The following NRROS variants were observed in gnomAD, a reference collection of about 807,000 sequenced individuals.
The protein encoded by NRROS is negative regulator of reactive oxygen species.
In NRROS, 6 loss-of-function variants were observed where a neutral mutation model predicts 12.0. That is an observed-to-expected ratio of 0.50 (90% confidence interval 0.27 to 0.98). NRROS has a LOEUF of 0.98. Among genes scored for constraint, NRROS ranks in the 50% least tolerant of loss-of-function variants. NRROS has a pLI of 0.11. For missense variants in NRROS, 857 were observed against 888.2 expected (o/e 0.96, Z 0.45); for synonymous variants, 462 against 410.2 (o/e 1.13, Z -1.53).
intron 1 of NRROS, among the ~76,000 whole-genome samples, chr3:196,645,480 G>T (rs1159834599): frequency 6.6e-6 from 1 of 152,150 alleles, no homozygotes; most frequent in Non-Finnish European, 1.5e-5. Context: ...ACATTTACCT[G>T]CTAGGATTTT....
At position 196,654,250 on chromosome 3, in the gene NRROS, C is replaced by G. The variant is rs1483838613; in HGVS notation, c.-13-277C>G. Among the ~76,000 whole-genome samples, 3 of 152,196 alleles carry G rather than the reference C, an allele frequency of 2.0e-5. No individual in the cohort carries two copies. Among genetic ancestry groups the G allele is most frequent in the Non-Finnish European group, 4.4e-5 (3 of 68,042 alleles). ...CTGGTTACTCAAGCTTTTTGCTTCTCCCTTCTGTGCTGGACTCGCTGAAGT... is the reference window on the plus strand; with the variant it reads ...CTGGTTACTCAAGCTTTTTGCTTCTGCCTTCTGTGCTGGACTCGCTGAAGT... On this transcript the variant is annotated intron_variant, in intron 1 of 2. Transcript: ENST00000328557. The surrounding 1 kb of genome is among the most constrained non-coding windows in gnomAD (Gnocchi z 4.4).
At chr3:196,650,529 C>T (rs545296542) in intron 1 of NRROS, among the ~76,000 whole-genome samples, 1 of 152,214 alleles carries the variant, frequency 6.6e-6, no homozygotes, top group African/African-American at 2.4e-5. Flanking sequence ...ACCCCCCACT[C>T]CTTGGCCTCC....
chr3:196,661,309 G>A lies in NRROS; in HGVS notation c.1666G>A (p.Gly556Ser). The change falls in exon 3 of 3, where the codon GGC becomes AGC. Residue 556 changes from glycine (G) to serine (S), a missense_variant. Transcript: ENST00000328557. The stretch of plus-strand genomic sequence containing the variant: ...CTTGACCACCTTCCCAAGGTTTGGG[G>A]GCAGCCTGGCCCTGGAGACCCTGGA... The part of the protein sequence containing the change: ...NCLTTFPRFG[G>S]SLALETLDLR... 1 of 1,606,618 alleles carries A rather than the reference G, an allele frequency of 6.2e-7. No homozygotes were observed. Among genetic ancestry groups the A allele is most frequent in the Non-Finnish European group, 8.5e-7 (1 of 1,176,194 alleles).
In NRROS at chr3:196,661,908, C is replaced by T. The variant is rs1217582505; in HGVS notation, c.*186C>T. 3 of 418,782 alleles carry T rather than the reference C, an allele frequency of 7.2e-6. No homozygotes were observed. Among genetic ancestry groups the T allele is most frequent in the Non-Finnish European group, 1.2e-5 (3 of 246,734 alleles). 25.9% of individuals were successfully genotyped at this position (418,782 alleles called of 1,614,324 possible). Reference sequence around the variant, plus strand: ...ACCACCGCCCAAGTTCTTTTTCCATCATTATAATTCATCCTCATTATCTTG... The same window carrying T: ...ACCACCGCCCAAGTTCTTTTTCCATTATTATAATTCATCCTCATTATCTTG... On this transcript the variant is annotated 3_prime_UTR_variant, in exon 3 of 3. Transcript: ENST00000328557.
At chr3:196,657,622 G>A (rs186483049) in intron 2 of NRROS, among the ~76,000 whole-genome samples, 5 of 151,216 alleles carry the variant, frequency 3.3e-5, no homozygotes, top group African/African-American at 9.7e-5. Context: ...CAGCAGAATC[G>A]CTTGAACCCG....
chr3:196,660,225 C>T lies in NRROS; in HGVS notation c.582C>T (p.Phe194=), dbSNP rs1737636743. 1 of 1,613,466 alleles carries T rather than the reference C, an allele frequency of 6.2e-7. No homozygotes were observed. The highest frequency in any genetic ancestry group is 8.5e-7 in the Non-Finnish European group (1 of 1,180,042). Residue 194 remains phenylalanine, a synonymous_variant, in exon 3 of 3, where the codon TTC becomes TTT. Transcript: ENST00000328557. The surrounding 1 kb of genome is among the most constrained non-coding windows in gnomAD (Gnocchi z 7.7). Reference sequence around the variant, plus strand: ...TGGATCTGCAGAGGAACTACATCTTCGAGATCGAGGGCGGCGCTTTCGACG... The same window carrying T: ...TGGATCTGCAGAGGAACTACATCTTTGAGATCGAGGGCGGCGCTTTCGACG... The part of the protein sequence containing the change: ...RELDLQRNYI[F]EIEGGAFDGL...
intron 1 of NRROS, among the ~76,000 whole-genome samples, chr3:196,650,367 C>T (rs1737400767): frequency 6.6e-6 from 1 of 152,194 alleles, no homozygotes; most frequent in Non-Finnish European, 1.5e-5. Context: ...TGGTCTCAAA[C>T]TCCTGACCTC....
intron 1 of NRROS, among the ~76,000 whole-genome samples, chr3:196,647,858 C>T (rs1193689103): frequency 6.6e-6 from 1 of 152,066 alleles, no homozygotes; most frequent in Non-Finnish European, 1.5e-5. Context: ...TGCGCCCAGC[C>T]ACCTGGCTAA....
At chr3:196,641,024 C>T (rs903127104) in intron 1 of NRROS, among the ~76,000 whole-genome samples, 1 of 152,042 alleles carries the variant, frequency 6.6e-6, no homozygotes, top group Non-Finnish European at 1.5e-5. Flanking sequence ...ATTTACAATA[C>T]GTATTTATTC....
In NRROS at chr3:196,660,558, C is replaced by T; in HGVS notation, c.915C>T (p.Leu305=). ...GGGAGATGGTGGCCCAGTTCCTCCTCGTGGACGGCAACGTGACCAACATCA... is the reference window on the plus strand; with the variant it reads ...GGGAGATGGTGGCCCAGTTCCTCCTTGTGGACGGCAACGTGACCAACATCA... ...SPREMVAQFL[L]VDGNVTNITT... is the part of the protein sequence containing the mutation. Residue 305 remains leucine (L), a synonymous_variant, in exon 3 of 3, where the codon CTC becomes CTT. Coordinates refer to ENST00000328557, the MANE Select transcript of NRROS (RefSeq NM_198565.3). The surrounding 1 kb of genome is among the most constrained non-coding windows in gnomAD (Gnocchi z 7.7). 1 of 1,614,140 alleles carries T rather than the reference C, an allele frequency of 6.2e-7. No individual in the cohort carries two copies. The highest frequency in any genetic ancestry group is 8.5e-7 in the Non-Finnish European group (1 of 1,180,012).
chr3:196,661,760 A>G lies in NRROS; in HGVS notation c.*38A>G, dbSNP rs1231733703. 6 of 1,502,868 alleles carry G rather than the reference A, an allele frequency of 4.0e-6. No homozygotes were observed. The highest frequency in any genetic ancestry group is 2.3e-5 in the East Asian group (1 of 43,786). 93.1% of individuals were successfully genotyped at this position (1,502,868 alleles called of 1,614,324 possible). A position where few individuals can be genotyped will look rare whatever the true frequency, so the allele number is the denominator to read the frequency against. ...CCAAGACTCGAAATTCGGTCCGCAC[A>G]CAACAGGACACTTTCTCTGCCAGCT... On this transcript the variant is annotated 3_prime_UTR_variant, in exon 3 of 3. Coordinates refer to ENST00000328557, the MANE Select transcript of NRROS (RefSeq NM_198565.3).
Position 196,654,769 on chromosome 3 carries a change from G to A in NRROS, c.108+122G>A. The stretch of plus-strand genomic sequence containing the variant: ...AGAATGAAGGAGCCTGCATCACTCT[G>A]TGCCTGCCTAGCACAGGGGCATGTG... On this transcript the variant is annotated intron_variant, in intron 2 of 2. Coordinates refer to ENST00000328557, the MANE Select transcript of NRROS (RefSeq NM_198565.3). This position sits in a 1 kb window ranked among gnomAD's most constrained non-coding sequence, Gnocchi z 4.4. The A allele has an allele frequency of 1.6e-6, 1 of 643,564 alleles. No homozygotes were observed. The highest frequency in any genetic ancestry group is 2.7e-6 in the Non-Finnish European group (1 of 368,050). The allele number at this position is 643,564 out of a possible 1,614,324, so 39.9% of individuals were successfully genotyped here.
Position 196,658,774 on chromosome 3 carries a change from C to A in NRROS, c.109-978C>A, listed in dbSNP as rs914118986. Among the ~76,000 whole-genome samples the A allele has an allele frequency of 1.3e-4, 20 of 152,300 alleles. 1 individual carries two copies. Among genetic ancestry groups the A allele is most frequent in the Admixed American group, 1.3e-3 (20 of 15,288 alleles). ...CTGAAGTCAGGAGTTCGAGACCAGC[C>A]TGGTCAACATGGTGAAACCCCGTCT... On this transcript the variant is annotated intron_variant, in intron 2 of 2. Transcript: ENST00000328557.
intron 2 of NRROS, among the ~76,000 whole-genome samples, chr3:196,656,623 G>A (rs1241167778): frequency 3.3e-5 from 5 of 152,224 alleles, no homozygotes; most frequent in African/African-American, 1.2e-4. Context: ...TCTCTGCTAT[G>A]TTTGACCTCC....
At chr3:196,655,303 G>C (rs749679304) in intron 2 of NRROS, among the ~76,000 whole-genome samples, 30 of 151,268 alleles carry the variant, frequency 2.0e-4, no homozygotes, top group Non-Finnish European at 4.3e-4. Flanking sequence ...GGGAGGCCAA[G>C]TCCGGCGGAT....
Position 196,660,537 on chromosome 3 carries a change from G to T in NRROS, c.894G>T (p.Glu298Asp). 6.2e-7 allele frequency: 1 copy of T among 1,614,130 alleles called. No homozygotes were observed. The highest frequency in any genetic ancestry group is 1.1e-5 in the South Asian group (1 of 91,084). The change falls in exon 3 of 3, where the codon GAG (glutamate) becomes GAT (aspartate). Residue 298 changes from glutamate (E) to aspartate (D), a missense_variant. By Grantham distance (45) the Glu-to-Asp change is conservative. Coordinates refer to ENST00000328557, the MANE Select transcript of NRROS (RefSeq NM_198565.3). The surrounding 1 kb of genome is among the most constrained non-coding windows in gnomAD (Gnocchi z 7.7). Reference protein sequence around the residue: ...RDLYNTSSPREMVAQFLLVDG... With the variant: ...RDLYNTSSPRDMVAQFLLVDG... ...TGTACAACACCTCGTCGCCGAGGGA[G>T]ATGGTGGCCCAGTTCCTCCTCGTGG...
intron 1 of NRROS, among the ~76,000 whole-genome samples, chr3:196,640,095 G>C (rs1244512786): frequency 2.0e-5 from 3 of 152,262 alleles, no homozygotes; most frequent in African/African-American, 7.2e-5. Flanking sequence ...CCCTCCAGGA[G>C]CACTTAGAGC....
Position 196,654,667 on chromosome 3 carries a change from T to C in NRROS, c.108+20T>C. 1.4e-6 allele frequency: 2 copies of C among 1,475,488 alleles called. No homozygotes were observed. Among genetic ancestry groups the C allele is most frequent in the East Asian group, 2.3e-5 (1 of 44,292 alleles). The allele number at this position is 1,475,488 out of a possible 1,614,324, so 91.4% of individuals were successfully genotyped here. ...AAGTTGGTGAGTTTCCCTTGAACCC[T>C]GATCTGTCGGCTGCTCCTGTCCTGA... is the stretch of plus-strand genomic sequence containing the variant. On this transcript the variant is annotated intron_variant, in intron 2 of 2. Transcript: ENST00000328557. This position sits in a 1 kb window ranked among gnomAD's most constrained non-coding sequence, Gnocchi z 4.4.
chr3:196,647,189 T>G (rs1271098631), intron 1 of NRROS, among the ~76,000 whole-genome samples: 1 of 152,238 alleles, frequency 6.6e-6, no homozygotes, highest in Non-Finnish European at 1.5e-5. Context: ...ACATTGTATT[T>G]CCTTAGGATA....
Sources: gnomAD v4.1 joint callset for allele counts (sites outside exome capture counted in the v4.1 genomes callset) on GRCh38, gnomAD v4.1.1 for gene constraint, Gnocchi (gnomAD v3.1) non-coding constraint, MANE v1.5 for transcripts, NCBI Gene and HGNC (gene_info 2026-07-23, HGNC 2026-07-21) for gene names.